The following ABCA13 variants were observed in gnomAD, a reference collection of about 807,000 sequenced individuals.
ABCA13 encodes the protein ATP binding cassette subfamily A member 13, also known as ATP-binding cassette sub-family A member 13.
ABCA13 carries 476 observed loss-of-function variants against 478.7 expected under a neutral mutation model. The observed-to-expected ratio is 0.99, with a 90% CI of 0.92 to 1.07. The LOEUF (loss-of-function observed/expected upper bound fraction) is 1.07. Ranked by LOEUF, ABCA13 falls within the 50% of genes least tolerant of loss-of-function variation. The pLI, the probability that ABCA13 is intolerant of heterozygous loss-of-function variation, is 0.00. For synonymous variants in ABCA13, 2,252 were observed against 2,158.9 expected, an observed-to-expected ratio of 1.04 and a Z score of -1.20; for missense variants, 6,060 against 5,910.6, an observed-to-expected ratio of 1.03 and a Z score of -0.83.
chr7:48,517,648 C>T (rs1832230588), intron 52 of ABCA13, among the ~76,000 whole-genome samples: 1 of 152,198 alleles, frequency 6.6e-6, no homozygotes, highest in African/African-American at 2.4e-5. Flanking sequence ...TTCAGCCCCT[C>T]AGCATCCCCA....
At chr7:48,211,543 A>G (rs534866196) in intron 3 of ABCA13, among the ~76,000 whole-genome samples, 2 of 152,088 alleles carry the variant, frequency 1.3e-5, no homozygotes, top group South Asian at 4.2e-4. Context: ...CTCCCATGGT[A>G]CCATGTTGGG....
chr7:48,341,546 T>C (rs1028444283), intron 29 of ABCA13, among the ~76,000 whole-genome samples: 1 of 152,096 alleles, frequency 6.6e-6, no homozygotes, highest in Non-Finnish European at 1.5e-5. Context: ...TATGTGGAAA[T>C]ATCCTCTATT....
At chr7:48,231,006 C>G (rs918665395) in intron 7 of ABCA13, among the ~76,000 whole-genome samples, 1 of 151,880 alleles carries the variant, frequency 6.6e-6, no homozygotes, top group Non-Finnish European at 1.5e-5. Context: ...GTCCAGTCGT[C>G]GGGTCGGGGG....
intron 3 of ABCA13, among the ~76,000 whole-genome samples, chr7:48,211,553 G>C (rs574707380): frequency 7.9e-5 from 12 of 152,098 alleles, no homozygotes; most frequent in Non-Finnish European, 1.8e-4. Flanking sequence ...ACCATGTTGG[G>C]TCACACCTGA....
intron 41 of ABCA13, among the ~76,000 whole-genome samples, chr7:48,421,937 A>G (rs1194440230): frequency 6.6e-6 from 1 of 151,366 alleles, no homozygotes; most frequent in South Asian, 2.1e-4. Context: ...TGTGCAGCTC[A>G]TCTTCCAAGG....
chr7:48,325,852 C>G (rs77903057), intron 27 of ABCA13, among the ~76,000 whole-genome samples: 16,743 of 152,194 alleles, frequency 0.11, 1,137 homozygotes, highest in East Asian at 0.32. Context: ...GGCTTGAAAT[C>G]CAGACCCTAC....
intron 15 of ABCA13, among the ~76,000 whole-genome samples, chr7:48,262,557 T>C (rs1272029059): frequency 3.3e-5 from 5 of 151,946 alleles, no homozygotes; most frequent in Non-Finnish European, 5.9e-5. Flanking sequence ...TTCTAACTCT[T>C]TCTCATCTGC....
Position 48,273,828 on chromosome 7 carries a change from A to G in ABCA13, c.4162A>G (p.Ile1388Val), listed in dbSNP as rs762784025. 2 of 1,612,274 alleles carry G rather than the reference A, an allele frequency of 1.2e-6. No individual in the cohort carries two copies. The highest frequency in any genetic ancestry group is 1.7e-6 in the Non-Finnish European group (2 of 1,178,934). The change falls in exon 17 of 62, where the codon ATT becomes GTT. Residue 1388 changes from isoleucine to valine, a missense_variant. Ile to Val is a conservative substitution (Grantham distance 29, BLOSUM62 3). Coordinates refer to ENST00000435803, the MANE Select transcript of ABCA13 (RefSeq NM_152701.5). ...LNSTFSSENT[I>V]SSLKGCIVWL... ...TTCCACATTTTCCTCTGAGAACACA[A>G]TTAGCAGTCTGAAAGGATGCATTGT...
intron 48 of ABCA13, among the ~76,000 whole-genome samples, 181 bp from the exon 49 acceptor site, chr7:48,506,155 G>A (rs1452223155): frequency 6.6e-6 from 1 of 152,194 alleles, no homozygotes; most frequent in East Asian, 1.9e-4. Context: ...AGAAATCCCA[G>A]CACATATTTG....
chr7:48,521,090 T>C lies in ABCA13; in HGVS notation c.14051+796T>C, dbSNP rs144482647. ...GCACACACATGCATTCCTACTACTA[T>C]AAATAGGATTTAATGTGGCCTTGAA... On this transcript the variant is annotated intron_variant, in intron 53 of 61. Transcript: ENST00000435803. Among the ~76,000 whole-genome samples, 9 of 136,722 alleles carry C rather than the reference T, an allele frequency of 6.6e-5. No individual in the cohort carries two copies. In the East Asian group the frequency reaches 2.0e-3, roughly 30 times the overall value. The allele number at this position is 136,722 out of a possible 152,430, so 89.7% of individuals were successfully genotyped here.
intron 59 of ABCA13, among the ~76,000 whole-genome samples, chr7:48,620,802 G>A (rs1270344364): frequency 6.6e-6 from 1 of 152,170 alleles, no homozygotes; most frequent in African/African-American, 2.4e-5. Flanking sequence ...CAGCAAATGG[G>A]CACAAGGATG....
chr7:48,517,001 CTG>C, intron 52 of ABCA13, 120 bp downstream of exon 52: 1 of 1,132,634 alleles, frequency 8.8e-7, no homozygotes, highest in South Asian at 1.7e-5. Flanking sequence ...TTGGTATCCA[CTG>C]TCTTTAAACT....
At chr7:48,429,982 A>T (rs1164437930) in intron 42 of ABCA13, among the ~76,000 whole-genome samples, 2 of 152,020 alleles carry the variant, frequency 1.3e-5, no homozygotes, top group African/African-American at 4.8e-5. Flanking sequence ...TATAGCAGGT[A>T]TTGGTCTGCA....
chr7:48,174,196 G>T (rs1228926464), intron 1 of ABCA13, among the ~76,000 whole-genome samples: 4 of 152,194 alleles, frequency 2.6e-5, no homozygotes, highest in Non-Finnish European at 5.9e-5. Context: ...CAAACTGCCT[G>T]AGTGAATAAA....
At chr7:48,179,818 T>A (rs1795416473) in intron 1 of ABCA13, among the ~76,000 whole-genome samples, 1 of 152,198 alleles carries the variant, frequency 6.6e-6, no homozygotes, top group African/African-American at 2.4e-5. Context: ...TTTTGTCACA[T>A]CAGCGGAGCC....
At chr7:48,461,290 C>T (rs576498814) in intron 43 of ABCA13, among the ~76,000 whole-genome samples, 1 of 152,210 alleles carries the variant, frequency 6.6e-6, no homozygotes, top group Admixed American at 6.5e-5. Context: ...TTTCCCTTCC[C>T]TTGTCTGCAA....
At chr7:48,471,842 C>T (rs1319209841) in intron 45 of ABCA13, among the ~76,000 whole-genome samples, 1 of 152,136 alleles carries the variant, frequency 6.6e-6, no homozygotes, top group Non-Finnish European at 1.5e-5. Flanking sequence ...TTAACATTCC[C>T]CTGGCATTCA....
chr7:48,507,953 TG>T lies in ABCA13; in HGVS notation c.13429del (p.Val4477TrpfsTer2). 16 of 1,613,694 alleles carry T rather than the reference TG, an allele frequency of 9.9e-6. No individual in the cohort carries two copies. The highest frequency in any genetic ancestry group is 1.4e-5 in the Non-Finnish European group (16 of 1,179,774). On this transcript the variant is annotated frameshift_variant, in exon 50 of 62. Transcript: ENST00000435803. LOFTEE classifies it high-confidence loss of function. ...TCCTGTCTGCATCCATCGGCAGCTC[TG>T]TGGTGAGGGACAGGGTGATTGGAGC... The part of the protein sequence containing the change: ...SILSASIGSS[V>X]VRDRVIGAKR...
intron 31 of ABCA13, among the ~76,000 whole-genome samples, chr7:48,360,659 G>A (rs1563119434): frequency 6.6e-6 from 1 of 151,944 alleles, no homozygotes. Flanking sequence ...TTTCTTTTGG[G>A]ATGAGTCCCT....
Sources: gnomAD v4.1 joint callset for allele counts (sites outside exome capture counted in the v4.1 genomes callset) on GRCh38, gnomAD v4.1.1 for gene constraint, MANE v1.5 for transcripts, NCBI Gene and HGNC (gene_info 2026-07-23, HGNC 2026-07-21) for gene names.